GLCE: variants seen among roughly 807,000 people sequenced by gnomAD.
GLCE encodes the protein D-glucuronyl C5-epimerase.
In GLCE, 19 loss-of-function variants were observed where a neutral mutation model predicts 47.9. The ratio of observed to expected loss-of-function variants is 0.40; its 90% CI spans 0.28 to 0.58. GLCE has a LOEUF of 0.58. Among genes scored for constraint, GLCE ranks in the 20% least tolerant of loss-of-function variants. GLCE has a pLI of 0.48. For synonymous variants in GLCE, 245 were observed against 263.4 expected (o/e 0.93, Z 0.68); for missense variants, 556 against 743.3 (o/e 0.75, Z 2.93).
chr15:69,242,224 TC>T (rs1330586086), intron 2 of GLCE, among the ~76,000 whole-genome samples: 1 of 152,170 alleles, frequency 6.6e-6, no homozygotes, highest in Non-Finnish European at 1.5e-5. Flanking sequence ...TGAAGTGTTC[TC>T]CCCATGCACC....
At chr15:69,219,408 C>A (rs931328061) in intron 2 of GLCE, among the ~76,000 whole-genome samples, 2 of 151,856 alleles carry the variant, frequency 1.3e-5, no homozygotes, top group African/African-American at 4.8e-5. Context: ...TTTTTAATAA[C>A]ATCCTAGGGT....
At chr15:69,253,062 C>T (rs1371951113) in intron 2 of GLCE, among the ~76,000 whole-genome samples, 3 of 152,080 alleles carry the variant, frequency 2.0e-5, no homozygotes, top group Non-Finnish European at 4.4e-5. Context: ...GAGGACTACC[C>T]AAGGATGATA....
chr15:69,216,381 T>C (rs1214832457), intron 2 of GLCE, among the ~76,000 whole-genome samples: 2 of 152,142 alleles, frequency 1.3e-5, no homozygotes, highest in Non-Finnish European at 2.9e-5. Context: ...AATCAGTTAA[T>C]ATTAGGTGAA....
At chr15:69,174,795 ACT>A (rs2140333057) in intron 1 of GLCE, among the ~76,000 whole-genome samples, 1 of 151,948 alleles carries the variant, frequency 6.6e-6, no homozygotes, top group South Asian at 2.1e-4. Flanking sequence ...TCCTGAGAAT[ACT>A]CTCTTTCTTT....
intron 3 of GLCE, among the ~76,000 whole-genome samples, chr15:69,258,527 C>T (rs577430101): frequency 5.4e-4 from 82 of 152,120 alleles, no homozygotes; most frequent in Non-Finnish European, 1.1e-3. Context: ...AGACCCTTCT[C>T]TTTAGTTGTA....
At chr15:69,209,396 A>G (rs2052196705) in intron 1 of GLCE, among the ~76,000 whole-genome samples, 1 of 151,818 alleles carries the variant, frequency 6.6e-6, no homozygotes, top group Middle Eastern at 3.2e-3. Context: ...CAAAATGTTG[A>G]TATATTTGTT....
intron 1 of GLCE, among the ~76,000 whole-genome samples, chr15:69,178,114 A>T (rs2051698095): frequency 6.6e-6 from 1 of 152,156 alleles, no homozygotes; most frequent in East Asian, 1.9e-4. Flanking sequence ...GTTAAATAGG[A>T]TGACTAGGTC....
intron 2 of GLCE, among the ~76,000 whole-genome samples, chr15:69,229,150 A>C (rs2052486915): frequency 6.6e-6 from 1 of 152,252 alleles, no homozygotes; most frequent in Admixed American, 6.5e-5. Flanking sequence ...AGACGTAAAG[A>C]AGGTCATTTC....
chr15:69,225,482 C>T (rs2052434025), intron 2 of GLCE, among the ~76,000 whole-genome samples: 1 of 152,192 alleles, frequency 6.6e-6, no homozygotes, highest in African/African-American at 2.4e-5. Flanking sequence ...TGTTTGTACA[C>T]ACAGTGCCTA....
intron 1 of GLCE, among the ~76,000 whole-genome samples, chr15:69,169,133 A>T (rs1566945405): frequency 6.6e-6 from 1 of 152,216 alleles, no homozygotes; most frequent in African/African-American, 2.4e-5. Context: ...TGTGTTGAAC[A>T]TTACATCTGT....
chr15:69,258,298 C>A (rs2052960241), intron 3 of GLCE, among the ~76,000 whole-genome samples: 1 of 146,616 alleles, frequency 6.8e-6, no homozygotes, highest in Non-Finnish European at 1.5e-5. Flanking sequence ...GCCCCTCGCT[C>A]CATCCATATT....
intron 1 of GLCE, among the ~76,000 whole-genome samples, chr15:69,208,520 G>A (rs2052182227): frequency 6.6e-6 from 1 of 151,950 alleles, no homozygotes. Context: ...ATATCACATT[G>A]TCTTGGTAAG....
chr15:69,184,443 A>G (rs971772918), intron 1 of GLCE, among the ~76,000 whole-genome samples: 5 of 152,226 alleles, frequency 3.3e-5, no homozygotes, highest in African/African-American at 9.7e-5. Flanking sequence ...CACCTAGTTT[A>G]TATTACTACA....
In GLCE at chr15:69,171,956, A is replaced by T. The variant is rs554704309; in HGVS notation, c.-105+11199A>T. ...TTGTCAGAGGGAAGAGATCATCTTGATTTTTTAAAAATGTTCAATTTTGAA... is the reference window on the plus strand; with the variant it reads ...TTGTCAGAGGGAAGAGATCATCTTGTTTTTTTAAAAATGTTCAATTTTGAA... On this transcript the variant is annotated intron_variant, in intron 1 of 4. Coordinates refer to ENST00000261858, the MANE Select transcript of GLCE (RefSeq NM_015554.3). Among the ~76,000 whole-genome samples the T allele has an allele frequency of 5.9e-5, 9 of 152,264 alleles. No homozygotes were observed. The South Asian group carries it at 1.9e-3, about 32-fold the overall frequency.
chr15:69,229,991 C>T (rs2052500019), intron 2 of GLCE, among the ~76,000 whole-genome samples: 1 of 152,040 alleles, frequency 6.6e-6, no homozygotes, highest in South Asian at 2.1e-4. Context: ...GGGTGGATCA[C>T]TTGAGGTCAG....
At chr15:69,215,795 T>A (rs1231509932) in intron 2 of GLCE, among the ~76,000 whole-genome samples, 1 of 152,196 alleles carries the variant, frequency 6.6e-6, no homozygotes, top group Non-Finnish European at 1.5e-5. Context: ...TCTGTTCTAA[T>A]GTATGTGTAG....
In GLCE at chr15:69,202,610, A is replaced by G. The variant is rs575899506; in HGVS notation, c.-104-7706A>G. Among the ~76,000 whole-genome samples, 9 of 152,264 alleles carry G rather than the reference A, an allele frequency of 5.9e-5. No individual in the cohort carries two copies. In the South Asian group the frequency reaches 6.2e-4, roughly 11 times the overall value. On this transcript the variant is annotated intron_variant, in intron 1 of 4. Coordinates refer to ENST00000261858, the MANE Select transcript of GLCE (RefSeq NM_015554.3). ...CAATTCTGTATCATGTAGTTTCCCA[A>G]TGTAGCAATAGGAAACTTCAGTAAT...
intron 1 of GLCE, among the ~76,000 whole-genome samples, chr15:69,166,157 G>T (rs1167714971): frequency 6.6e-6 from 1 of 152,180 alleles, no homozygotes; most frequent in Non-Finnish European, 1.5e-5. Context: ...GATAGTAGCT[G>T]ATGTATGCAG....
At chr15:69,246,804 C>T (rs2052756798) in intron 2 of GLCE, among the ~76,000 whole-genome samples, 1 of 151,812 alleles carries the variant, frequency 6.6e-6, no homozygotes, top group Non-Finnish European at 1.5e-5. Flanking sequence ...GGCATGGATA[C>T]AGCATTAATC....
Sources: gnomAD v4.1 joint callset for allele counts (sites outside exome capture counted in the v4.1 genomes callset) on GRCh38, gnomAD v4.1.1 for gene constraint, MANE v1.5 for transcripts, NCBI Gene and HGNC (gene_info 2026-07-23, HGNC 2026-07-21) for gene names.